SPAG6: variants seen among roughly 807,000 people sequenced by gnomAD.
SPAG6 encodes the protein sperm-associated antigen 6.
In SPAG6, 49 loss-of-function variants were observed where a neutral mutation model predicts 58.5. The observed-to-expected ratio is 0.84, with a 90% confidence interval of 0.67 to 1.06. The LOEUF is 1.06. Ranked by LOEUF, SPAG6 falls within the 50% of genes least tolerant of loss-of-function variation. The probability of loss-of-function intolerance (pLI) is 0.00; values close to 1 mark genes in which losing one functional copy is unlikely to be tolerated. For synonymous variants in SPAG6, 233 were observed against 225.6 expected (o/e 1.03, Z -0.29); for missense variants, 560 against 611.3 (o/e 0.92, Z 0.89).
At chr10:22,380,103 C>T (rs577984943) in intron 4 of SPAG6, among the ~76,000 whole-genome samples, 1 of 152,134 alleles carries the variant, frequency 6.6e-6, no homozygotes, top group Non-Finnish European at 1.5e-5. Context: ...CAACAGATTT[C>T]TTTTACTTTG....
intron 4 of SPAG6, among the ~76,000 whole-genome samples, chr10:22,369,703 T>G (rs1833638854): frequency 6.6e-6 from 1 of 152,190 alleles, no homozygotes; most frequent in South Asian, 2.1e-4. Context: ...AGATTTGTTG[T>G]GAGGATGATG....
At chr10:22,408,728 C>T (rs182178568) in intron 9 of SPAG6, among the ~76,000 whole-genome samples, 2,721 of 152,332 alleles carry the variant, frequency 0.018, 78 homozygotes, top group African/African-American at 0.062. Context: ...GGCGCCCCTC[C>T]CCCAGCCTCG....
At position 22,387,868 on chromosome 10, in the gene SPAG6, G is replaced by A; in HGVS notation, c.724G>A (p.Asp242Asn). The change falls in exon 6 of 11, where the codon GAT becomes AAT. Residue 242 changes from aspartate (D) to asparagine (N), a missense_variant. Coordinates refer to ENST00000376624, the MANE Select transcript of SPAG6 (RefSeq NM_012443.4). ...ALSQVSKHSVDLAEMVVEAEI... is the reference protein window; with the variant it reads ...ALSQVSKHSVNLAEMVVEAEI... The stretch of plus-strand genomic sequence containing the variant: ...CAGTCAGGTTTCAAAACATTCCGTG[G>A]ATCTGGCAGAAATGGTTGTTGAAGC... 1 of 1,613,416 alleles carries A rather than the reference G, an allele frequency of 6.2e-7. No individual in the cohort carries two copies. The highest frequency in any genetic ancestry group is 8.5e-7 in the Non-Finnish European group (1 of 1,179,696).
intron 4 of SPAG6, among the ~76,000 whole-genome samples, chr10:22,376,679 A>G (rs1257586547): frequency 6.6e-6 from 1 of 152,006 alleles, no homozygotes; most frequent in Non-Finnish European, 1.5e-5. Context: ...CCAGCCTCCC[A>G]CATCGTGTGT....
intron 4 of SPAG6, among the ~76,000 whole-genome samples, chr10:22,386,210 A>G (rs1834059539): frequency 6.6e-6 from 1 of 152,198 alleles, no homozygotes; most frequent in Admixed American, 6.6e-5. Flanking sequence ...TATATGTACA[A>G]TGAAAAGGCA....
At chr10:22,397,965 A>T (rs1355190647) in intron 8 of SPAG6, among the ~76,000 whole-genome samples, 1 of 152,200 alleles carries the variant, frequency 6.6e-6, no homozygotes, top group Admixed American at 6.5e-5. Flanking sequence ...AACAATCTTG[A>T]AAAAGAAGAA....
intron 4 of SPAG6, among the ~76,000 whole-genome samples, chr10:22,370,383 C>T (rs1228594815): frequency 6.6e-6 from 1 of 152,092 alleles, no homozygotes; most frequent in East Asian, 1.9e-4. Flanking sequence ...CATTACTCTC[C>T]CTGTTAAATG....
At chr10:22,407,073 T>C (rs1002365851) in intron 9 of SPAG6, among the ~76,000 whole-genome samples, 349 of 152,140 alleles carry the variant, frequency 2.3e-3, no homozygotes, top group African/African-American at 7.8e-3. Context: ...CACACTGATG[T>C]GTCTTGACTC....
At chr10:22,348,682 CATTTT>C (rs1305656817) in intron 2 of SPAG6, among the ~76,000 whole-genome samples, 2 of 152,134 alleles carry the variant, frequency 1.3e-5, no homozygotes, top group East Asian at 1.9e-4. Context: ...GTTTTTATTT[CATTTT>C]AAGTCTCCAA....
chr10:22,403,335 C>A (rs1292588347), intron 9 of SPAG6, among the ~76,000 whole-genome samples: 1 of 151,980 alleles, frequency 6.6e-6, no homozygotes, highest in Non-Finnish European at 1.5e-5. Flanking sequence ...CTTCCTGTGT[C>A]CATGTGTTCT....
chr10:22,396,299 G>T (rs1834291354), intron 8 of SPAG6, among the ~76,000 whole-genome samples: 1 of 152,122 alleles, frequency 6.6e-6, no homozygotes, highest in Non-Finnish European at 1.5e-5. Flanking sequence ...CTGTTCTTGT[G>T]GTAGGGATTA....
At position 22,416,884 on chromosome 10, in the gene SPAG6, G is replaced by A. The variant is rs1209113349; in HGVS notation, c.*196G>A. The A allele has an allele frequency of 1.9e-5, 8 of 424,300 alleles. No homozygotes were observed. Among genetic ancestry groups the A allele is most frequent in the South Asian group, 4.1e-5 (1 of 24,436 alleles). 26.3% of individuals were successfully genotyped at this position (424,300 alleles called of 1,614,324 possible). On this transcript the variant is annotated 3_prime_UTR_variant, in exon 11 of 11. Transcript: ENST00000376624. ...TGTGAGGAACTATTCATGGTCATTC[G>A]CATGCATAGGATTTGTTCTACAGGT...
chr10:22,391,652 T>C, intron 7 of SPAG6, 77 bp from the exon 8 acceptor site: 1 of 1,325,576 alleles, frequency 7.5e-7, no homozygotes, highest in Non-Finnish European at 1.1e-6. Flanking sequence ...TGATTTCTTC[T>C]CATGTTTGAG....
At position 22,366,409 on chromosome 10, in the gene SPAG6, A is replaced by G. The variant is rs535586258; in HGVS notation, c.288+1390A>G. On this transcript the variant is annotated intron_variant, in intron 3 of 10. Coordinates refer to ENST00000376624, the MANE Select transcript of SPAG6 (RefSeq NM_012443.4). ...GTGGTTGCCAGGGGCTGGAAGGAGA[A>G]GGGAATGGGAATTGACTGCTTTATT... Among the ~76,000 whole-genome samples, 3 of 152,298 alleles carry G rather than the reference A, an allele frequency of 2.0e-5. No individual in the cohort carries two copies. The South Asian group carries it at 6.2e-4, about 32-fold the overall frequency.
intron 4 of SPAG6, among the ~76,000 whole-genome samples, chr10:22,380,572 G>T (rs1833929799): frequency 6.6e-6 from 1 of 152,006 alleles, no homozygotes; most frequent in Non-Finnish European, 1.5e-5. Flanking sequence ...CTCCCAAAGT[G>T]CTAGGATTAC....
At chr10:22,363,800 G>A (rs1310948237) in intron 2 of SPAG6, among the ~76,000 whole-genome samples, 1 of 152,164 alleles carries the variant, frequency 6.6e-6, no homozygotes, top group South Asian at 2.1e-4. Context: ...TTGCTTTTGT[G>A]TATAACTAGG....
chr10:22,371,138 C>G (rs113283087), intron 4 of SPAG6, among the ~76,000 whole-genome samples: 185 of 152,156 alleles, frequency 1.2e-3, no homozygotes, highest in African/African-American at 4.1e-3. Flanking sequence ...CCAGAAGCTC[C>G]CAGAAGAGAT....
rs370603149 is a variant in SPAG6 at position 22,357,912 on chromosome 10, G to A, written c.122-6941G>A. Reference sequence around the variant, plus strand: ...ATCCATGTCCCTACAAAGGACCTGAGCTCATCATTTTTTATGGCTGCATAC... The same window carrying A: ...ATCCATGTCCCTACAAAGGACCTGAACTCATCATTTTTTATGGCTGCATAC... On this transcript the variant is annotated intron_variant, in intron 2 of 10. Coordinates refer to ENST00000376624, the MANE Select transcript of SPAG6 (RefSeq NM_012443.4). Among the ~76,000 whole-genome samples the A allele has an allele frequency of 4.9e-3, 745 of 152,022 alleles. 9 individuals are homozygous for A. Among genetic ancestry groups the A allele is most frequent in the African/African-American group, 0.017 (689 of 41,448 alleles).
chr10:22,373,883 A>G (rs115741530), intron 4 of SPAG6, among the ~76,000 whole-genome samples: 1,708 of 152,328 alleles, frequency 0.011, 28 homozygotes, highest in African/African-American at 0.038. Context: ...TGAAAAAAAT[A>G]TAAAGTGAAA....
Sources: gnomAD v4.1 joint callset for allele counts (sites outside exome capture counted in the v4.1 genomes callset) on GRCh38, gnomAD v4.1.1 for gene constraint, MANE v1.5 for transcripts, NCBI Gene and HGNC (gene_info 2026-07-23, HGNC 2026-07-21) for gene names.